The following ZNF248 variants were observed in gnomAD, a reference collection of about 807,000 sequenced individuals.
ZNF248 encodes the protein zinc finger protein 248, also known as KRAB protein domain.
Under a neutral mutation model 44.3 loss-of-function variants are expected in ZNF248, and 20 were observed. The observed-to-expected ratio is 0.45, with a 90% CI of 0.32 to 0.66. The LOEUF is 0.66. Among genes scored for constraint, ZNF248 ranks in the 30% least tolerant of loss-of-function variants. ZNF248 has a pLI of 0.04. For synonymous variants in ZNF248, 224 were observed against 229.0 expected (o/e 0.98, Z 0.20); for missense variants, 654 against 677.0 (o/e 0.97, Z 0.38).
chr10:37,765,315 C>T, the ZNF248 span, among the ~76,000 whole-genome samples: 5 of 152,202 alleles, frequency 3.3e-5, no homozygotes, highest in South Asian at 2.1e-4. Flanking sequence ...AATTATGTGG[C>T]GATTTGGGGA....
At chr10:37,787,779 G>C (rs1042944396) in intron 6 of ZNF248, among the ~76,000 whole-genome samples, 1 of 151,960 alleles carries the variant, frequency 6.6e-6, no homozygotes. Flanking sequence ...AAAAATCTTT[G>C]TGACCACTGG....
downstream of ZNF248, among the ~76,000 whole-genome samples, chr10:37,825,157 A>G (rs1411865176): frequency 6.6e-6 from 1 of 152,206 alleles, no homozygotes; most frequent in Non-Finnish European, 1.5e-5. Context: ...TAAACTATAT[A>G]CTTAGATTTG....
chr10:37,773,145 C>A (rs1399390315), downstream of ZNF248, among the ~76,000 whole-genome samples: 1 of 152,154 alleles, frequency 6.6e-6, no homozygotes, highest in African/African-American at 2.4e-5. Flanking sequence ...ACTCAGGAGG[C>A]TGAGGCAGGA....
intron 6 of ZNF248, among the ~76,000 whole-genome samples, chr10:37,789,549 C>A (rs1473388291): frequency 6.6e-6 from 1 of 152,134 alleles, no homozygotes; most frequent in Non-Finnish European, 1.5e-5. Flanking sequence ...CAATGAAGAT[C>A]TTTTTCTCTC....
At chr10:37,843,128 G>C (rs2058653292) in intron 3 of ZNF248, among the ~76,000 whole-genome samples, 1 of 152,116 alleles carries the variant, frequency 6.6e-6, no homozygotes, top group Admixed American at 6.5e-5. Context: ...GTCACATATA[G>C]AACAAGGAAA....
chr10:37,771,633 G>C (rs1195908717), downstream of ZNF248, among the ~76,000 whole-genome samples: 1 of 138,518 alleles, frequency 7.2e-6, no homozygotes, highest in Non-Finnish European at 1.5e-5. Context: ...GTGGGGTGGA[G>C]GGAGGGGGGA....
At chr10:37,802,605 T>C (rs2049963940) in intron 6 of ZNF248, among the ~76,000 whole-genome samples, 1 of 152,176 alleles carries the variant, frequency 6.6e-6, no homozygotes, top group South Asian at 2.1e-4. Flanking sequence ...TGCGCAGTCA[T>C]TAAAACACTG....
downstream of ZNF248, among the ~76,000 whole-genome samples, chr10:37,773,181 G>T (rs931731387): frequency 1.3e-5 from 2 of 152,284 alleles, no homozygotes; most frequent in East Asian, 1.9e-4. Context: ...GGAGGTGGAG[G>T]TTGCAGTAAG....
intron 3 of ZNF248, among the ~76,000 whole-genome samples, chr10:37,855,153 G>GA (rs1050374591): frequency 7.2e-5 from 11 of 151,890 alleles, no homozygotes; most frequent in East Asian, 5.8e-4. Context: ...CCAAAAACTA[G>GA]AAAAAAAATA....
intron 6 of ZNF248, among the ~76,000 whole-genome samples, chr10:37,789,992 T>A (rs1010925391): frequency 1.3e-5 from 2 of 151,862 alleles, no homozygotes; most frequent in African/African-American, 4.8e-5. Flanking sequence ...CCGGGCGCCA[T>A]GGCTCATGCC....
At chr10:37,815,061 A>ATT (rs201493597) in intron 6 of ZNF248, among the ~76,000 whole-genome samples, 3 of 149,262 alleles carry the variant, frequency 2.0e-5, no homozygotes, top group Non-Finnish European at 3.0e-5. Flanking sequence ...GGCTTTCTTC[A>ATT]TTTTTTTTTC....
intron 6 of ZNF248, among the ~76,000 whole-genome samples, chr10:37,800,307 C>G (rs973351621): frequency 6.6e-6 from 1 of 152,024 alleles, no homozygotes; most frequent in African/African-American, 2.4e-5. Context: ...TCTATTGTTC[C>G]TTTCATTGTG....
chr10:37,793,599 T>C (rs936115481), intron 6 of ZNF248, among the ~76,000 whole-genome samples: 16 of 150,996 alleles, frequency 1.1e-4, no homozygotes, highest in African/African-American at 4.0e-4. Context: ...CTAATGATTA[T>C]ATTAAGGGCA....
At chr10:37,857,975 C>T (rs1481341897), upstream of ZNF248, 4 of 152,326 alleles carry the variant, frequency 2.6e-5, no homozygotes. Context: ...CGGGGACCCC[C>T]TGGCCCTCGC....
chr10:37,834,315 C>A (rs1410061062), intron 5 of ZNF248, among the ~76,000 whole-genome samples: 3 of 152,020 alleles, frequency 2.0e-5, no homozygotes, highest in East Asian at 1.9e-4. Context: ...TGACCAGAGT[C>A]CAGAACTTGG....
At chr10:37,851,835 T>C (rs1422087560) in intron 3 of ZNF248, among the ~76,000 whole-genome samples, 1 of 137,002 alleles carries the variant, frequency 7.3e-6, no homozygotes, top group Non-Finnish European at 1.5e-5. Flanking sequence ...AGAGAGAAAC[T>C]GGATCATGCG....
chr10:37,819,278 T>C lies in ZNF248; in HGVS notation c.330+13747A>G, dbSNP rs1192479275. Reference sequence around the variant, plus strand: ...CAGATAGAAGTTTAGATCATTTCCCTCACAGTATTCTAACACTGTACAAAA... The same window carrying C: ...CAGATAGAAGTTTAGATCATTTCCCCCACAGTATTCTAACACTGTACAAAA... On this transcript the variant is annotated intron_variant, in intron 6 of 6. Coordinates refer to the ZNF248 transcript ENST00000615949. 42 of 922,088 alleles carry C rather than the reference T, an allele frequency of 4.6e-5. 1 individual carries two copies. The Admixed American group carries it at 7.2e-4, about 16-fold the overall frequency. The allele number at this position is 922,088 out of a possible 1,614,324, so 57.1% of individuals were successfully genotyped here.
chr10:37,831,279 G>A lies in ZNF248; in HGVS notation c.*336C>T. On this transcript the variant is annotated 3_prime_UTR_variant, in exon 6 of 6. Transcript: ENST00000395867. ...ACTCTTCACATATATGTTTAATGCTGCTGTCATTCAACTTTTATAAGCTTC... is the reference window on the plus strand; with the variant it reads ...ACTCTTCACATATATGTTTAATGCTACTGTCATTCAACTTTTATAAGCTTC... 1 of 1,549,572 alleles carries A rather than the reference G, an allele frequency of 6.5e-7. No homozygotes were observed. Among genetic ancestry groups the A allele is most frequent in the Non-Finnish European group, 8.7e-7 (1 of 1,146,164 alleles).
chr10:37,780,538 C>T (rs530230503), intron 6 of ZNF248, among the ~76,000 whole-genome samples: 4 of 152,284 alleles, frequency 2.6e-5, no homozygotes, highest in Middle Eastern at 3.4e-3. Context: ...AAGACTTAAA[C>T]GACTCTTCTT....
Sources: allele counts gnomAD v4.1 joint callset (sites outside exome capture counted in the v4.1 genomes callset), GRCh38; gene constraint gnomAD v4.1.1; transcripts MANE v1.5; gene names NCBI Gene and HGNC (gene_info 2026-07-23, HGNC 2026-07-21).